The following CDC42BPB variants were observed in gnomAD, a reference collection of about 807,000 sequenced individuals.
CDC42BPB encodes the protein serine/threonine-protein kinase MRCK beta.
Under a neutral mutation model 214.9 loss-of-function variants are expected in CDC42BPB, and 37 were observed. That is an observed-to-expected ratio of 0.17 (90% CI 0.13 to 0.23). The LOEUF is 0.23. Among genes scored for constraint, CDC42BPB ranks in the 10% least tolerant of loss-of-function variants. The probability of loss-of-function intolerance (pLI) is 1.00; values close to 1 mark genes in which losing one functional copy is unlikely to be tolerated. For synonymous variants in CDC42BPB, 931 were observed against 884.0 expected (o/e 1.05, Z -0.94); for missense variants, 1,694 against 2,227.0 (o/e 0.76, Z 4.82).
At chr14:103,002,201 T>C (rs1314742771) in intron 4 of CDC42BPB, among the ~76,000 whole-genome samples, 1 of 152,140 alleles carries the variant, frequency 6.6e-6, no homozygotes, top group African/African-American at 2.4e-5. Flanking sequence ...GAAGAGGAAC[T>C]GGCCTAACCC....
At chr14:102,937,465 T>C (rs957273722) in intron 36 of CDC42BPB, among the ~76,000 whole-genome samples, 4 of 152,218 alleles carry the variant, frequency 2.6e-5, no homozygotes, top group Non-Finnish European at 5.9e-5. Context: ...GGCTGAGATG[T>C]GTGGTGGAGA....
At chr14:102,997,388 C>G (rs1894789376) in intron 5 of CDC42BPB, among the ~76,000 whole-genome samples, 1 of 152,146 alleles carries the variant, frequency 6.6e-6, no homozygotes, top group Non-Finnish European at 1.5e-5. Flanking sequence ...TTCCAGCCAC[C>G]ACTGGAGGAC....
chr14:102,966,544 T>TGATGG (rs567238493), intron 17 of CDC42BPB, 157 bp from the exon 18 acceptor site: 2 of 984,446 alleles, frequency 2.0e-6, no homozygotes, highest in Non-Finnish European at 2.4e-6. Context: ...GGGATCTCAT[T>TGATGG]GATGGATGCG....
chr14:103,008,648 G>T, intron 2 of CDC42BPB, 93 bp from the exon 3 acceptor site: 2 of 1,539,326 alleles, frequency 1.3e-6, no homozygotes, highest in East Asian at 2.4e-5. Context: ...TAACAGCCCA[G>T]GAGCCTGTGA....
At position 103,057,284 on chromosome 14, in the gene CDC42BPB, C is replaced by T; in HGVS notation, c.-111G>A. The T allele has an allele frequency of 2.7e-6, 3 of 1,116,124 alleles. No homozygotes were observed. Among genetic ancestry groups the T allele is most frequent in the Non-Finnish European group, 3.3e-6 (3 of 915,000 alleles). The allele number at this position is 1,116,124 out of a possible 1,614,324, so 69.1% of individuals were successfully genotyped here. A position where few individuals can be genotyped will look rare whatever the true frequency, so the allele number is the denominator to read the frequency against. On this transcript the variant is annotated 5_prime_UTR_variant, in exon 1 of 37. Coordinates refer to ENST00000361246, the MANE Select transcript of CDC42BPB (RefSeq NM_006035.4). ...GCTGCGAGCCCCGGCAGCAGCGGCGCCTCCTCGCCGCCCCGTCCGCGTCGT... is the reference window on the plus strand; with the variant it reads ...GCTGCGAGCCCCGGCAGCAGCGGCGTCTCCTCGCCGCCCCGTCCGCGTCGT...
intron 5 of CDC42BPB, among the ~76,000 whole-genome samples, chr14:102,988,119 C>A (rs117896216): frequency 2.0e-5 from 3 of 151,798 alleles, no homozygotes; most frequent in African/African-American, 7.3e-5. Flanking sequence ...GAGGACCAAA[C>A]AAGAACAAAT....
rs116614970 is a variant in CDC42BPB at position 103,000,938 on chromosome 14, A to G, written c.448-1225T>C. On this transcript the variant is annotated intron_variant, in intron 4 of 36. Coordinates refer to ENST00000361246, the MANE Select transcript of CDC42BPB (RefSeq NM_006035.4). ...GGCCCAACAGTCAGACTCCACGCCC[A>G]TCACATTCAACCAGACTGCAGTGTC... is the stretch of plus-strand genomic sequence containing the variant. Among the ~76,000 whole-genome samples the G allele has an allele frequency of 2.5e-3, 374 of 152,322 alleles. 2 individuals are homozygous for G. Among genetic ancestry groups the G allele is most frequent in the African/African-American group, 8.4e-3 (351 of 41,564 alleles).
In CDC42BPB at chr14:103,006,121, G is replaced by A. The variant is rs569994815; in HGVS notation, c.352-2098C>T. On this transcript the variant is annotated intron_variant, in intron 3 of 36. Transcript: ENST00000361246. ...CAGCTTGCTAATGTCCAGACATGCA[G>A]AGACCAGCAATTCTGGAATCATCAC... 1.9e-3 allele frequency among the ~76,000 whole-genome samples: 284 copies of A among 151,980 alleles called. 2 individuals carry two copies. Among genetic ancestry groups the A allele is most frequent in the Non-Finnish European group, 2.7e-3 (185 of 68,000 alleles).
At chr14:102,950,421 A>C (rs1223623733) in intron 25 of CDC42BPB, 45 bp downstream of exon 25, 2 of 1,606,884 alleles carry the variant, frequency 1.2e-6, no homozygotes, top group Non-Finnish European at 1.7e-6. Context: ...TGGTCACTGC[A>C]CCTCACAGGC....
Position 103,004,891 on chromosome 14 carries a change from G to A in CDC42BPB, c.352-868C>T, listed in dbSNP as rs1431881681. 6.6e-6 allele frequency among the ~76,000 whole-genome samples: 1 copy of A among 151,656 alleles called. No homozygotes were observed. Among genetic ancestry groups the A allele is most frequent in the Non-Finnish European group, 1.5e-5 (1 of 67,918 alleles). ...CTCAAAAAGAAAAAAAAAATGGCTG[G>A]TCACGGTGGCCCACACCTGTGGTCC... On this transcript the variant is annotated intron_variant, in intron 3 of 36. Coordinates refer to ENST00000361246, the MANE Select transcript of CDC42BPB (RefSeq NM_006035.4). The surrounding 1 kb of genome is among the most constrained non-coding windows in gnomAD (Gnocchi z 5.3).
At chr14:103,021,420 C>T (rs896080702) in intron 1 of CDC42BPB, among the ~76,000 whole-genome samples, 3 of 150,970 alleles carry the variant, frequency 2.0e-5, no homozygotes, top group South Asian at 2.1e-4. Context: ...GAGCTGAGAT[C>T]GCGCCACTGC....
In CDC42BPB at chr14:102,940,040, G is replaced by A; in HGVS notation, c.4591+6C>T. 1.2e-6 allele frequency: 2 copies of A among 1,613,948 alleles called. No individual in the cohort carries two copies. Among genetic ancestry groups the A allele is most frequent in the Non-Finnish European group, 1.7e-6 (2 of 1,180,026 alleles). ...CCCTCCACTCCCGGTGCAGAGGAAGGCTCACCCGAGAACTTGCTCTTGAAG... is the reference window on the plus strand; with the variant it reads ...CCCTCCACTCCCGGTGCAGAGGAAGACTCACCCGAGAACTTGCTCTTGAAG... On this transcript the variant is annotated splice_donor_region_variant and intron_variant, in intron 32 of 36. Coordinates refer to ENST00000361246, the MANE Select transcript of CDC42BPB (RefSeq NM_006035.4).
chr14:102,976,085 G>A, intron 9 of CDC42BPB, 36 bp from the exon 10 acceptor site: 1 of 1,599,368 alleles, frequency 6.3e-7, no homozygotes. Context: ...TTGATCTACT[G>A]AAAATTTAGC....
chr14:102,970,205 A>G lies in CDC42BPB; in HGVS notation c.1941T>C (p.Arg647=). ...GCTTGCAGAAGTTCTCGCTGTGCTC[A>G]CGAAGCTTGCGCTCCTTGGAGGCCT... ...VAEASKERKL[R]EHSENFCKQM... Residue 647 remains arginine, a synonymous_variant, in exon 14 of 37, where the codon CGT becomes CGC. Transcript: ENST00000361246. 1.2e-6 allele frequency: 2 copies of G among 1,613,996 alleles called. No individual in the cohort carries two copies. The highest frequency in any genetic ancestry group is 1.7e-6 in the Non-Finnish European group (2 of 1,179,988).
chr14:103,003,821 A>G, intron 4 of CDC42BPB, 107 bp downstream of exon 4: 1 of 854,464 alleles, frequency 1.2e-6, no homozygotes, highest in Non-Finnish European at 1.8e-6. Flanking sequence ...TCCAATACAC[A>G]TTTTTTAAAT....
At chr14:102,958,000 G>C (rs1321670259) in intron 21 of CDC42BPB, among the ~76,000 whole-genome samples, 1 of 152,220 alleles carries the variant, frequency 6.6e-6, no homozygotes, top group Non-Finnish European at 1.5e-5. Context: ...ACATTCTGCA[G>C]GACAACTGGC....
intron 3 of CDC42BPB, among the ~76,000 whole-genome samples, chr14:103,005,529 G>A (rs1175775868): frequency 6.6e-6 from 1 of 151,700 alleles, no homozygotes; most frequent in East Asian, 1.9e-4. Context: ...GCAACATAGT[G>A]AGACTCCGTC....
intron 7 of CDC42BPB, among the ~76,000 whole-genome samples, chr14:102,981,733 T>TGCACTCCAGCCTGGGTGACAAGA (rs1894012262): frequency 6.6e-6 from 1 of 151,968 alleles, no homozygotes; most frequent in African/African-American, 2.4e-5. Context: ...GCCAAGATCG[T>TGCACTCCAGCCTGGGTGACAAGA]GCCACTGCAC....
At chr14:102,990,664 G>A (rs1011149536) in intron 5 of CDC42BPB, among the ~76,000 whole-genome samples, 6 of 152,112 alleles carry the variant, frequency 3.9e-5, no homozygotes, top group African/African-American at 1.4e-4. Context: ...CCAGAACTTG[G>A]TCTTCAAAGC....
Sources: allele counts gnomAD v4.1 joint callset (sites outside exome capture counted in the v4.1 genomes callset), GRCh38; gene constraint gnomAD v4.1.1; non-coding constraint Gnocchi (gnomAD v3.1); transcripts MANE v1.5; gene names NCBI Gene and HGNC (gene_info 2026-07-23, HGNC 2026-07-21).